Variants in MED12L observed in about 807,000 individuals in gnomAD.
MED12L encodes mediator of RNA polymerase II transcription subunit 12-like protein.
A neutral mutation model predicts 281.3 loss-of-function variants in MED12L; 60 were observed. That is an observed-to-expected ratio of 0.21 (90% confidence interval 0.17 to 0.26). The LOEUF is 0.26. Ranked by LOEUF, MED12L falls within the 10% of genes least tolerant of loss-of-function variation. The pLI, the probability that MED12L is intolerant of heterozygous loss-of-function variation, is 1.00. For missense variants in MED12L, 2,146 were observed against 2,680.9 expected (o/e 0.80, Z 4.41); for synonymous variants, 974 against 987.2 (o/e 0.99, Z 0.25).
At chr3:151,226,078 G>A (rs1730437629) in intron 16 of MED12L, among the ~76,000 whole-genome samples, 1 of 152,300 alleles carries the variant, frequency 6.6e-6, no homozygotes, top group Admixed American at 6.5e-5. Context: ...TTCCAGTCTA[G>A]GGGGAGGCTG....
rs111267475 is a variant in MED12L, at chr3:151,305,746, A to C, written c.2251-44313A>C. The stretch of plus-strand genomic sequence containing the variant: ...GTTATTTTAGAGGACAGGAAGTGGG[A>C]GGGGGGCAGTATTGGGCAGAGGTAG... On this transcript the variant is annotated intron_variant, in intron 16 of 44. Transcript: ENST00000687756. Among the ~76,000 whole-genome samples the C allele has an allele frequency of 6.8e-3, 1,027 of 151,760 alleles. 10 individuals carry two copies. The highest frequency in any genetic ancestry group is 0.024 in the South Asian group (114 of 4,788).
chr3:151,354,493 A>T (rs928529643), intron 17 of MED12L, among the ~76,000 whole-genome samples: 2 of 152,216 alleles, frequency 1.3e-5, no homozygotes, highest in Non-Finnish European at 1.5e-5. Context: ...TGTGTCAGAA[A>T]AGTAACAAGA....
intron 14 of MED12L, 27 bp downstream of exon 14, chr3:151,190,958 T>G: frequency 6.3e-7 from 1 of 1,598,510 alleles, no homozygotes; most frequent in South Asian, 1.1e-5. Context: ...GATGCCCCAC[T>G]CCCCCAGAAA....
chr3:151,421,613 G>A (rs1394726366), intron 43 of MED12L, among the ~76,000 whole-genome samples: 1 of 152,058 alleles, frequency 6.6e-6, no homozygotes, highest in Non-Finnish European at 1.5e-5. Flanking sequence ...GTTTCACCAT[G>A]TTGGCCAGGT....
intron 2 of MED12L, among the ~76,000 whole-genome samples, chr3:151,100,019 C>T (rs530786659): frequency 6.8e-4 from 104 of 152,268 alleles, no homozygotes; most frequent in Admixed American, 5.0e-3. Flanking sequence ...CAGTTAACAT[C>T]GGTGAGATTC....
chr3:151,238,698 A>G (rs1733428388), intron 16 of MED12L, among the ~76,000 whole-genome samples: 1 of 152,248 alleles, frequency 6.6e-6, no homozygotes, highest in Non-Finnish European at 1.5e-5. Context: ...TTAAACAAGA[A>G]AAGAAAAATC....
At chr3:151,415,374 G>A (rs1717423862) in intron 42 of MED12L, among the ~76,000 whole-genome samples, 1 of 152,190 alleles carries the variant, frequency 6.6e-6, no homozygotes. Flanking sequence ...GTTCTAGAGG[G>A]CTAACTGGAG....
intron 43 of MED12L, among the ~76,000 whole-genome samples, chr3:151,429,862 C>T (rs1719284381): frequency 6.6e-6 from 1 of 152,220 alleles, no homozygotes; most frequent in Admixed American, 6.5e-5. Context: ...GGGCACCACC[C>T]TGCCTCACCA....
intron 16 of MED12L, chr3:151,295,161 C>T (rs561644452): frequency 8.7e-6 from 14 of 1,612,716 alleles, no homozygotes; most frequent in East Asian, 2.2e-5. Context: ...TTTCCTGGCC[C>T]GTCGCTCCTG....
intron 2 of MED12L, among the ~76,000 whole-genome samples, chr3:151,089,775 A>G (rs1268234947): frequency 1.3e-5 from 2 of 152,056 alleles, no homozygotes; most frequent in Non-Finnish European, 2.9e-5. Flanking sequence ...GTAGGACTTC[A>G]TTATATATTG....
At chr3:151,422,090 G>A (rs1400218623) in intron 43 of MED12L, among the ~76,000 whole-genome samples, 2 of 152,164 alleles carry the variant, frequency 1.3e-5, no homozygotes, top group African/African-American at 2.4e-5. Context: ...TGTGTGTGGT[G>A]GAGACCAGCA....
chr3:151,430,225 C>G, intron 43 of MED12L, 74 bp from the exon 44 acceptor site: 3 of 1,595,656 alleles, frequency 1.9e-6, no homozygotes, highest in Non-Finnish European at 2.6e-6. Flanking sequence ...ACTGGCCCTG[C>G]GAGTTAGTCT....
At chr3:151,366,695 T>C (rs1409077167) in intron 23 of MED12L, among the ~76,000 whole-genome samples, 1 of 152,188 alleles carries the variant, frequency 6.6e-6, no homozygotes, top group African/African-American at 2.4e-5. Flanking sequence ...CAGTTGAAGG[T>C]TGACTTCTGA....
chr3:151,248,297 T>C lies in MED12L; in HGVS notation c.2250+54631T>C, dbSNP rs145014816. ...CTTTCCTTTGAAAATAAATTGTGAC[T>C]CACCATTAAATCCATACCAGTGACC... is the stretch of plus-strand genomic sequence containing the variant. On this transcript the variant is annotated intron_variant, in intron 16 of 44. Coordinates refer to ENST00000687756, the MANE Select transcript of MED12L (RefSeq NM_001393769.1). 3.3e-5 allele frequency among the ~76,000 whole-genome samples: 5 copies of C among 152,294 alleles called. No individual in the cohort carries two copies. The East Asian group carries it at 9.6e-4, about 29-fold the overall frequency.
At chr3:151,169,003 G>T (rs1721056722) in intron 11 of MED12L, among the ~76,000 whole-genome samples, 1 of 151,440 alleles carries the variant, frequency 6.6e-6, no homozygotes, top group South Asian at 2.1e-4. Flanking sequence ...TATGTCGTTG[G>T]TATCTGTATG....
intron 16 of MED12L, among the ~76,000 whole-genome samples, chr3:151,270,304 A>T (rs576628437): frequency 6.7e-6 from 1 of 149,258 alleles, no homozygotes; most frequent in Non-Finnish European, 1.5e-5. Flanking sequence ...ACAGCTCTCA[A>T]CTTATTTGGG....
In MED12L at chr3:151,430,281, C is replaced by A; in HGVS notation, c.6409-18C>A. 3 of 1,614,000 alleles carry A rather than the reference C, an allele frequency of 1.9e-6. No homozygotes were observed. Among genetic ancestry groups the A allele is most frequent in the Non-Finnish European group, 2.5e-6 (3 of 1,179,878 alleles). On this transcript the variant is annotated intron_variant, in intron 43 of 44. Transcript: ENST00000687756. ...CACCATGGAATGATTTCTGTCCTTT[C>A]TCCTGTCGCCATTACAGTTTCCCAG...
chr3:151,191,588 G>A (rs187453196), intron 14 of MED12L, among the ~76,000 whole-genome samples: 8 of 152,200 alleles, frequency 5.3e-5, no homozygotes, highest in Admixed American at 4.6e-4. Context: ...AGAAAATGAC[G>A]AGAACTTGAG....
chr3:151,251,329 A>G (rs372598378), intron 16 of MED12L, among the ~76,000 whole-genome samples: 6 of 152,118 alleles, frequency 3.9e-5, no homozygotes, highest in African/African-American at 9.7e-5. Flanking sequence ...GCTGTCAACA[A>G]TTAAACACTC....
Sources: allele counts gnomAD v4.1 joint callset (sites outside exome capture counted in the v4.1 genomes callset), GRCh38; gene constraint gnomAD v4.1.1; transcripts MANE v1.5; gene names NCBI Gene and HGNC (gene_info 2026-07-23, HGNC 2026-07-21).